MAU2: variants seen among roughly 807,000 people sequenced by gnomAD.
MAU2 encodes MAU2 chromatid cohesion factor homolog.
In MAU2, 9 loss-of-function variants were observed where a neutral mutation model predicts 89.1. That is an observed-to-expected ratio of 0.10 (90% confidence interval 0.06 to 0.18). MAU2 has a LOEUF of 0.18. Among genes scored for constraint, MAU2 ranks in the 10% least tolerant of loss-of-function variants. The pLI is 1.00. For missense variants in MAU2, 425 were observed against 803.5 expected (o/e 0.53, Z 5.69); for synonymous variants, 357 against 343.4 (o/e 1.04, Z -0.44).
intron 1 of MAU2, among the ~76,000 whole-genome samples, chr19:19,329,422 C>T (rs1404916572): frequency 1.3e-5 from 2 of 152,200 alleles, no homozygotes; most frequent in African/African-American, 4.8e-5. Flanking sequence ...TCTTCTACTT[C>T]CTGATTGCCA....
Position 19,357,099 on chromosome 19 carries a change from G to A in MAU2, c.*1317G>A, listed in dbSNP as rs931080802. 6.6e-6 allele frequency: 1 copy of A among 152,320 alleles called. No homozygotes were observed. The highest frequency in any genetic ancestry group is 2.4e-5 in the African/African-American group (1 of 41,438). The allele number at this position is 152,320 out of a possible 1,614,324, so 9.4% of individuals were successfully genotyped here. ...GGGAGCTTTGGCGTCTGTGACTAAAGGGACGCTGGATTGCTCAGGTCAGCT... is the reference window on the plus strand; with the variant it reads ...GGGAGCTTTGGCGTCTGTGACTAAAAGGACGCTGGATTGCTCAGGTCAGCT... On this transcript the variant is annotated 3_prime_UTR_variant, in exon 19 of 19. Coordinates refer to ENST00000262815, the MANE Select transcript of MAU2 (RefSeq NM_015329.4).
chr19:19,349,412 C>A lies in MAU2; in HGVS notation c.1524C>A (p.Ile508=). The part of the protein sequence containing the change: ...TACSLVLLGH[I]FYVLGNHRES... ...GCTCCCTCGTGCTTCTGGGCCACAT[C>A]TTCTATGTGCTGGGAAACCACAGGG... Residue 508 remains isoleucine, a synonymous_variant, in exon 16 of 19, where the codon ATC becomes ATA. Transcript: ENST00000262815. 7 of 1,614,084 alleles carry A rather than the reference C, an allele frequency of 4.3e-6. No individual in the cohort carries two copies. Among genetic ancestry groups the A allele is most frequent in the Non-Finnish European group, 5.9e-6 (7 of 1,180,016 alleles).
At position 19,321,280 on chromosome 19, in the gene MAU2, C is replaced by T. The variant is rs2061452694; in HGVS notation, c.276+145C>T. On this transcript the variant is annotated intron_variant, in intron 1 of 18. Coordinates refer to ENST00000262815, the MANE Select transcript of MAU2 (RefSeq NM_015329.4). ...TCAAAGCCGCAGGACCCCCACCCGC[C>T]TCTGCCGGACCCCAAAGCCACCAGC... 6.1e-6 allele frequency: 6 copies of T among 990,758 alleles called. No homozygotes were observed. In the South Asian group the frequency reaches 1.2e-4, roughly 19 times the overall value. 61.4% of individuals were successfully genotyped at this position (990,758 alleles called of 1,614,324 possible).
At chr19:19,334,213 T>G in intron 1 of MAU2, 3 of 984,648 alleles carry the variant, frequency 3.0e-6, no homozygotes, top group Non-Finnish European at 2.4e-6. Flanking sequence ...GCCACACTTC[T>G]GACGGCAGGT....
At chr19:19,322,325 T>C (rs2061467147) in intron 1 of MAU2, among the ~76,000 whole-genome samples, 1 of 152,158 alleles carries the variant, frequency 6.6e-6, no homozygotes, top group Admixed American at 6.5e-5. Flanking sequence ...AGGGCCAGGC[T>C]CAGTGGCTTA....
In MAU2 at chr19:19,334,550, C is replaced by T. The variant is rs2061581308; in HGVS notation, c.277-1168C>T. On this transcript the variant is annotated intron_variant, in intron 1 of 18. Transcript: ENST00000262815. ...CTCACTGGCTCCTCCGCACTCCCTTCGTGAATACTCTCTGCTGCATCCAGG... is the reference window on the plus strand; with the variant it reads ...CTCACTGGCTCCTCCGCACTCCCTTTGTGAATACTCTCTGCTGCATCCAGG... 9 of 985,486 alleles carry T rather than the reference C, an allele frequency of 9.1e-6. No individual in the cohort carries two copies. In the South Asian group the frequency reaches 1.4e-4, roughly 15 times the overall value. The allele number at this position is 985,486 out of a possible 1,614,324, so 61.0% of individuals were successfully genotyped here. A position where few individuals can be genotyped will look rare whatever the true frequency, so the allele number is the denominator to read the frequency against.
At chr19:19,344,042 G>C (rs2061674092) in intron 10 of MAU2, 102 bp downstream of exon 10, 1 of 895,754 alleles carries the variant, frequency 1.1e-6, no homozygotes, top group South Asian at 1.4e-5. Flanking sequence ...TGGCAGGCCA[G>C]CCCATCCTGC....
chr19:19,353,733 G>GTCTC (rs2061762684), intron 16 of MAU2: 1 of 157,362 alleles, frequency 6.4e-6, no homozygotes, highest in Non-Finnish European at 1.4e-5. Context: ...CCTGTCTGCC[G>GTCTC]TCTCCAGGCC....
At chr19:19,340,962 C>G (rs946150722) in intron 6 of MAU2, 89 bp downstream of exon 6, 1 of 1,551,474 alleles carries the variant, frequency 6.4e-7, no homozygotes, top group Non-Finnish European at 8.8e-7. Context: ...CCCACCCACT[C>G]TCCATGGCAT....
intron 13 of MAU2, 168 bp downstream of exon 13, chr19:19,347,534 CG>C: frequency 1.7e-6 from 1 of 588,856 alleles, no homozygotes; most frequent in South Asian, 2.2e-5. Context: ...AGAGGTGAAT[CG>C]GGCTATGGCC....
rs373006909 is a variant in MAU2 at position 19,342,627 on chromosome 19, C to T, written c.828C>T (p.Pro276=). 105 of 1,613,244 alleles carry T rather than the reference C, an allele frequency of 6.5e-5. No homozygotes were observed. Among genetic ancestry groups the T allele is most frequent in the Non-Finnish European group, 7.6e-5 (90 of 1,179,622 alleles). ...ATGATGAGATCCTGCCCAGCAACCC[C>T]GCTGACCTCTTCCACTGGCTGCCCA... is the stretch of plus-strand genomic sequence containing the variant. ...LHDDEILPSN[P]ADLFHWLPKE... The change falls in exon 8 of 19, where the codon CCC becomes CCT. Residue 276 remains proline (P), a synonymous_variant. Transcript: ENST00000262815.
intron 16 of MAU2, among the ~76,000 whole-genome samples, chr19:19,349,949 C>T (rs539967543): frequency 6.6e-6 from 1 of 151,680 alleles, no homozygotes; most frequent in East Asian, 1.9e-4. Flanking sequence ...CGCCTACTCT[C>T]ACCCACTGAT....
In MAU2 at chr19:19,337,362, G is replaced by T. The variant is rs1481234751; in HGVS notation, c.456+97G>T. The stretch of plus-strand genomic sequence containing the variant: ...CAAAGAACAGCAGAGTCCACGATGC[G>T]CAGACCCCCTCGGGCTGGCACATGG... On this transcript the variant is annotated intron_variant, in intron 4 of 18. Transcript: ENST00000262815. 4.2e-6 allele frequency: 4 copies of T among 943,284 alleles called. No individual in the cohort carries two copies. The African/African-American group carries it at 4.9e-5, about 11-fold the overall frequency. The allele number at this position is 943,284 out of a possible 1,614,324, so 58.4% of individuals were successfully genotyped here.
intron 1 of MAU2, among the ~76,000 whole-genome samples, chr19:19,325,414 G>A (rs972923912): frequency 1.3e-5 from 2 of 152,164 alleles, no homozygotes; most frequent in Non-Finnish European, 2.9e-5. Flanking sequence ...GACGTCAGGT[G>A]ATCCACCCGC....
At chr19:19,331,575 A>G (rs1430806608) in intron 1 of MAU2, among the ~76,000 whole-genome samples, 2 of 151,936 alleles carry the variant, frequency 1.3e-5, no homozygotes, top group African/African-American at 2.4e-5. Flanking sequence ...TGTGAGATGG[A>G]TATATTTTTC....
At chr19:19,325,391 G>A (rs1007853014) in intron 1 of MAU2, among the ~76,000 whole-genome samples, 5 of 152,060 alleles carry the variant, frequency 3.3e-5, no homozygotes, top group Admixed American at 2.6e-4. Context: ...GGTCAGGCTG[G>A]CCTTGAACTC....
intron 10 of MAU2, chr19:19,344,411 CAA>C (rs146072113): frequency 1.2e-4 from 23 of 193,162 alleles, no homozygotes; most frequent in South Asian, 3.9e-4. Flanking sequence ...GACTCCATCT[CAA>C]AAAAAAAAAC....
intron 1 of MAU2, among the ~76,000 whole-genome samples, chr19:19,324,023 G>T (rs927846261): frequency 1.3e-5 from 2 of 152,192 alleles, no homozygotes; most frequent in Non-Finnish European, 2.9e-5. Context: ...CATGCAGGAT[G>T]CCAAGCCCTA....
chr19:19,334,245 A>AC (rs2061578701), intron 1 of MAU2: 3 of 984,994 alleles, frequency 3.0e-6, no homozygotes, highest in Non-Finnish European at 3.6e-6. Context: ...CACTCTGAGG[A>AC]CCCCGAGCCC....
Sources: allele counts gnomAD v4.1 joint callset (sites outside exome capture counted in the v4.1 genomes callset), GRCh38; gene constraint gnomAD v4.1.1; transcripts MANE v1.5; gene names NCBI Gene and HGNC (gene_info 2026-07-23, HGNC 2026-07-21).